MEGF6: variants seen among roughly 807,000 people sequenced by gnomAD.
MEGF6 encodes multiple EGF like domains 6, also known as multiple epidermal growth factor-like domains protein 6.
In MEGF6, 184 loss-of-function variants were observed where a neutral mutation model predicts 207.1. The observed-to-expected ratio is 0.89, with a 90% CI of 0.79 to 1.00. The LOEUF (loss-of-function observed/expected upper bound fraction) is 1.00. Ranked by LOEUF, MEGF6 falls within the 50% of genes least tolerant of loss-of-function variation. MEGF6 has a pLI of 0.00. For missense variants in MEGF6, 2,282 were observed against 2,202.9 expected, an observed-to-expected ratio of 1.04 and a Z score of -0.72; for synonymous variants, 1,038 against 910.0, an observed-to-expected ratio of 1.14 and a Z score of -2.53.
At chr1:3,552,563 C>T (rs574094878) in intron 4 of MEGF6, among the ~76,000 whole-genome samples, 66 of 152,316 alleles carry the variant, frequency 4.3e-4, no homozygotes, top group East Asian at 1.7e-3. Flanking sequence ...GGTGTGGTGG[C>T]GCACGCCTGT....
intron 4 of MEGF6, among the ~76,000 whole-genome samples, chr1:3,527,712 C>T (rs1642013338): frequency 6.6e-6 from 1 of 152,328 alleles, no homozygotes; most frequent in East Asian, 1.9e-4. Flanking sequence ...CTGGGCAGGG[C>T]AGTGTGGGTG....
In MEGF6 at chr1:3,515,482, C is replaced by T. The variant is rs1641510109; in HGVS notation, c.650G>A (p.Cys217Tyr). ...ALGNGGCQHHCVQLTITRHRC... is the reference protein window; with the variant it reads ...ALGNGGCQHHYVQLTITRHRC... Reference sequence around the variant, plus strand: ...ATGCCGAGTGATTGTGAGCTGGACACAGTGGTGCTGGCAGCCGCCATTGCC... The same window carrying T: ...ATGCCGAGTGATTGTGAGCTGGACATAGTGGTGCTGGCAGCCGCCATTGCC... Residue 217 changes from cysteine (C) to tyrosine (Y), a missense_variant, in exon 6 of 37, where the codon TGT (cysteine) becomes TAT (tyrosine). Cys to Tyr is a radical substitution (Grantham distance 194). Transcript: ENST00000356575. 2 of 1,612,758 alleles carry T rather than the reference C, an allele frequency of 1.2e-6. No individual in the cohort carries two copies. Among genetic ancestry groups the T allele is most frequent in the Non-Finnish European group, 1.7e-6 (2 of 1,179,924 alleles).
intron 3 of MEGF6, among the ~76,000 whole-genome samples, chr1:3,590,501 C>G (rs976540130): frequency 3.3e-5 from 5 of 152,228 alleles, no homozygotes; most frequent in Admixed American, 6.5e-5. Flanking sequence ...CCCACCGCCC[C>G]GCCCGGCACT....
At chr1:3,595,220 A>T in intron 3 of MEGF6, 118 bp downstream of exon 3, 1 of 672,214 alleles carries the variant, frequency 1.5e-6, no homozygotes, top group Non-Finnish European at 2.5e-6. Flanking sequence ...GTGTTCCCTG[A>T]GTCTCTCGTG....
chr1:3,523,039 G>T (rs374327251), intron 5 of MEGF6, among the ~76,000 whole-genome samples: 3 of 151,496 alleles, frequency 2.0e-5, no homozygotes, highest in South Asian at 2.1e-4. Flanking sequence ...CGGCTGCCTG[G>T]ATCCCCATGG....
intron 4 of MEGF6, among the ~76,000 whole-genome samples, chr1:3,570,671 T>C (rs1323878473): frequency 6.6e-6 from 1 of 151,752 alleles, no homozygotes; most frequent in African/African-American, 2.4e-5. Context: ...AAAGACCACA[T>C]GGGCCTGGGA....
At chr1:3,575,805 T>C (rs759003877) in intron 4 of MEGF6, among the ~76,000 whole-genome samples, 1 of 152,164 alleles carries the variant, frequency 6.6e-6, no homozygotes, top group Non-Finnish European at 1.5e-5. Context: ...GTGGGAATTA[T>C]GGGACATACA....
chr1:3,531,319 G>A (rs1277299481), intron 4 of MEGF6: 1 of 1,235,784 alleles, frequency 8.1e-7, no homozygotes, highest in Non-Finnish European at 1.0e-6. Context: ...CCGGGCGACG[G>A]GGCAGGCGGC....
In MEGF6 at chr1:3,558,618, T is replaced by G. The variant is rs111518928; in HGVS notation, c.481+21207A>C. ...ACTGGGATCAGCTTAGGTTGTGCGGTCCAACTGCAGCCAATAGGGGAAAAA... is the reference window on the plus strand; with the variant it reads ...ACTGGGATCAGCTTAGGTTGTGCGGGCCAACTGCAGCCAATAGGGGAAAAA... On this transcript the variant is annotated intron_variant, in intron 4 of 36. Coordinates refer to ENST00000356575, the MANE Select transcript of MEGF6 (RefSeq NM_001409.4). 6.0e-4 allele frequency among the ~76,000 whole-genome samples: 91 copies of G among 152,304 alleles called. 1 individual carries two copies. Among genetic ancestry groups the G allele is most frequent in the African/African-American group, 2.1e-3 (87 of 41,556 alleles).
chr1:3,607,270 C>T (rs1246577830), intron 1 of MEGF6, among the ~76,000 whole-genome samples: 1 of 152,052 alleles, frequency 6.6e-6, no homozygotes, highest in Non-Finnish European at 1.5e-5. Flanking sequence ...GCACATCACA[C>T]CCGTCACTCT....
chr1:3,502,090 CG>C (rs1557724698), intron 17 of MEGF6, among the ~76,000 whole-genome samples, 169 bp from the exon 18 acceptor site: 8 of 1,940 alleles, frequency 4.1e-3, no homozygotes, highest in South Asian at 0.015. Flanking sequence ...TGTGCCCCCC[CG>C]CGCCTCCTCA....
chr1:3,575,996 C>T (rs1226763081), intron 4 of MEGF6, among the ~76,000 whole-genome samples: 1 of 149,880 alleles, frequency 6.7e-6, no homozygotes, highest in African/African-American at 2.4e-5. Context: ...AAATCTCCTC[C>T]CTGCTGAACA....
At chr1:3,503,361 G>T (rs949144858) in intron 17 of MEGF6, among the ~76,000 whole-genome samples, 1 of 150,694 alleles carries the variant, frequency 6.6e-6, no homozygotes, top group Non-Finnish European at 1.5e-5. Flanking sequence ...AACAAGAGGG[G>T]ATGTTATCTT....
intron 30 of MEGF6, 151 bp from the exon 31 acceptor site, chr1:3,494,892 G>A (rs1640536853): frequency 1.6e-6 from 2 of 1,215,408 alleles, no homozygotes; most frequent in Non-Finnish European, 1.1e-6. Context: ...ACATGCCAGG[G>A]AGTGGCACCA....
chr1:3,593,954 C>T lies in MEGF6; in HGVS notation c.376+1384G>A, dbSNP rs369074217. Among the ~76,000 whole-genome samples, 34 of 152,338 alleles carry T rather than the reference C, an allele frequency of 2.2e-4. 1 individual carries two copies. The highest frequency in any genetic ancestry group is 7.9e-4 in the African/African-American group (33 of 41,580). On this transcript the variant is annotated intron_variant, in intron 3 of 36. Transcript: ENST00000356575. ...CATGGCCATCATCCCTTCTCTTCCCCTTTTCCTGCTGGAGCTCGGGCCAGG... is the reference window on the plus strand; with the variant it reads ...CATGGCCATCATCCCTTCTCTTCCCTTTTTCCTGCTGGAGCTCGGGCCAGG...
intron 4 of MEGF6, among the ~76,000 whole-genome samples, chr1:3,577,629 TG>T (rs1643677638): frequency 6.6e-6 from 1 of 152,190 alleles, no homozygotes. Context: ...GACTGGGGCA[TG>T]GGGCTGCTGC....
intron 29 of MEGF6, among the ~76,000 whole-genome samples, 194 bp from the exon 30 acceptor site, chr1:3,496,212 CA>C (rs1640600267): frequency 6.6e-6 from 1 of 152,180 alleles, no homozygotes; most frequent in Non-Finnish European, 1.5e-5. Context: ...GGGGCCAGGC[CA>C]CTGCCGCCTG....
At chr1:3,531,453 T>G in intron 4 of MEGF6, 2 of 1,092,044 alleles carry the variant, frequency 1.8e-6, no homozygotes, top group East Asian at 5.8e-5. Context: ...GTTCTCAGCT[T>G]TCCCTCCGCC....
intron 4 of MEGF6, chr1:3,531,455 C>T: frequency 9.1e-7 from 1 of 1,099,800 alleles, no homozygotes; most frequent in Non-Finnish European, 1.1e-6. Context: ...TCTCAGCTTT[C>T]CCTCCGCCCC....
Sources: gnomAD v4.1 joint callset for allele counts (sites outside exome capture counted in the v4.1 genomes callset) on GRCh38, gnomAD v4.1.1 for gene constraint, MANE v1.5 for transcripts, NCBI Gene and HGNC (gene_info 2026-07-23, HGNC 2026-07-21) for gene names.